Variants in STK10 observed in about 807,000 individuals in gnomAD.
The protein encoded by STK10 is serine/threonine kinase 10.
STK10 carries 78 observed loss-of-function variants against 113.8 expected under a neutral mutation model. The ratio of observed to expected loss-of-function variants is 0.69; its 90% CI spans 0.57 to 0.83. The LOEUF (loss-of-function observed/expected upper bound fraction) is 0.83. STK10 is among the 40% of genes least tolerant of loss of function. The pLI is 0.00. For missense variants in STK10, 1,109 were observed against 1,280.1 expected (o/e 0.87, Z 2.04); for synonymous variants, 465 against 494.7 (o/e 0.94, Z 0.80).
intron 12 of STK10, among the ~76,000 whole-genome samples, chr5:172,067,292 G>A (rs1191262209): frequency 6.6e-6 from 1 of 152,124 alleles, no homozygotes; most frequent in Non-Finnish European, 1.5e-5. Flanking sequence ...AGGAGGTTGA[G>A]GCTGCAGTGA....
intron 3 of STK10, among the ~76,000 whole-genome samples, chr5:172,118,560 C>T (rs1257108890): frequency 6.6e-6 from 1 of 152,124 alleles, no homozygotes; most frequent in African/African-American, 2.4e-5. Context: ...GCAGAGGCAA[C>T]AGCTGACATG....
At chr5:172,078,136 A>C (rs757802065) in intron 12 of STK10, among the ~76,000 whole-genome samples, 7 of 152,154 alleles carry the variant, frequency 4.6e-5, no homozygotes, top group Non-Finnish European at 8.8e-5. Context: ...CACAGAGGTG[A>C]CCTTTGGAAT....
intron 3 of STK10, among the ~76,000 whole-genome samples, chr5:172,122,265 T>G (rs537260277): frequency 6.6e-6 from 1 of 152,292 alleles, no homozygotes; most frequent in African/African-American, 2.4e-5. Flanking sequence ...GATAAACATA[T>G]TCAGTCATGG....
At chr5:172,159,543 C>G (rs998488748) in intron 1 of STK10, among the ~76,000 whole-genome samples, 2 of 152,142 alleles carry the variant, frequency 1.3e-5, no homozygotes, top group Admixed American at 1.3e-4. Context: ...AGAAAACAGC[C>G]GGGCACAGTG....
At chr5:172,078,947 C>CA (rs1768371746) in intron 12 of STK10, among the ~76,000 whole-genome samples, 5 of 144,632 alleles carry the variant, frequency 3.5e-5, no homozygotes, top group African/African-American at 1.3e-4. Flanking sequence ...TCTTATAAGT[C>CA]CACACACACA....
At chr5:172,057,569 AGAT>A in intron 14 of STK10, 96 bp from the exon 15 acceptor site, 2 of 1,484,274 alleles carry the variant, frequency 1.3e-6, no homozygotes, top group Non-Finnish European at 1.8e-6. Flanking sequence ...CTCATGCTGG[AGAT>A]GATAACCAAC....
intron 2 of STK10, among the ~76,000 whole-genome samples, chr5:172,140,788 G>C (rs1769956769): frequency 6.6e-6 from 1 of 152,122 alleles, no homozygotes; most frequent in Non-Finnish European, 1.5e-5. Flanking sequence ...AGCATTAAAA[G>C]CAGGATCCTG....
In STK10 at chr5:172,184,169, A is replaced by G. The variant is rs147226556; in HGVS notation, c.156+3718T>C. On this transcript the variant is annotated intron_variant, in intron 1 of 18. Transcript: ENST00000176763. ...AAATGGAATCTCTGGTTCCAGCCAT[A>G]ACACCAAGATGGAATTTTTGGTTTG... Among the ~76,000 whole-genome samples, 538 of 152,274 alleles carry G rather than the reference A, an allele frequency of 3.5e-3. 3 individuals are homozygous for G. The highest frequency in any genetic ancestry group is 0.013 in the African/African-American group (525 of 41,548).
chr5:172,187,806 G>T lies in STK10; in HGVS notation c.156+81C>A. 6.4e-7 allele frequency: 1 copy of T among 1,555,442 alleles called. No homozygotes were observed. Among genetic ancestry groups the T allele is most frequent in the Non-Finnish European group, 8.7e-7 (1 of 1,150,202 alleles). ...CGGGCAGCCCTCGGAGCCGGAGCCA[G>T]GCTGGCCGGGTCCGGCTCAGGCATC... On this transcript the variant is annotated intron_variant, in intron 1 of 18. Transcript: ENST00000176763. This position sits in a 1 kb window ranked among gnomAD's most constrained non-coding sequence, Gnocchi z 4.6.
At chr5:172,077,098 A>T (rs570974623) in intron 12 of STK10, among the ~76,000 whole-genome samples, 19 of 152,338 alleles carry the variant, frequency 1.2e-4, no homozygotes, top group South Asian at 8.3e-4. Flanking sequence ...TCCCGCTGAG[A>T]TCTACTGACA....
chr5:172,147,638 C>T (rs779636971), intron 2 of STK10, among the ~76,000 whole-genome samples: 15 of 152,116 alleles, frequency 9.9e-5, no homozygotes, highest in Non-Finnish European at 1.9e-4. Flanking sequence ...GTGATCTGCC[C>T]GCCTTGGCCT....
intron 1 of STK10, among the ~76,000 whole-genome samples, chr5:172,160,925 C>T (rs1770457571): frequency 6.6e-6 from 1 of 152,186 alleles, no homozygotes; most frequent in Non-Finnish European, 1.5e-5. Flanking sequence ...CTACAATCTC[C>T]ACCACTTAGA....
chr5:172,184,816 C>CTAATTTTT (rs1220694695), intron 1 of STK10, among the ~76,000 whole-genome samples: 8 of 152,028 alleles, frequency 5.3e-5, no homozygotes, highest in African/African-American at 1.7e-4. Context: ...CCACACCCGG[C>CTAATTTTT]TAATTTTTTT....
chr5:172,121,807 T>C, intron 3 of STK10, among the ~76,000 whole-genome samples: 1 of 152,008 alleles, frequency 6.6e-6, no homozygotes, highest in East Asian at 1.9e-4. Flanking sequence ...CTGCAAGCAA[T>C]CTCCTACCTT....
Position 172,082,467 on chromosome 5 carries a change from C to G in STK10, c.1848G>C (p.Leu616=), listed in dbSNP as rs1300200944. The G allele has an allele frequency of 6.2e-7, 1 of 1,606,810 alleles. No individual in the cohort carries two copies. The highest frequency in any genetic ancestry group is 8.5e-7 in the Non-Finnish European group (1 of 1,177,496). ...CCACTTGCTGCTTTTGCTGACGCTCCAGGTTCTCTAATTCCGTGTCAAAGA... is the reference window on the plus strand; with the variant it reads ...CCACTTGCTGCTTTTGCTGACGCTCGAGGTTCTCTAATTCCGTGTCAAAGA... ...KKFFDTELEN[L]ERQQKQQVEK... The change falls in exon 12 of 19, where the codon CTG becomes CTC. Residue 616 remains leucine, a synonymous_variant. Coordinates refer to ENST00000176763, the MANE Select transcript of STK10 (RefSeq NM_005990.4). The surrounding 1 kb of genome is among the most constrained non-coding windows in gnomAD (Gnocchi z 4.3).
At chr5:172,131,091 T>C (rs1053115611) in intron 2 of STK10, among the ~76,000 whole-genome samples, 3 of 145,874 alleles carry the variant, frequency 2.1e-5, no homozygotes, top group Non-Finnish European at 3.0e-5. Flanking sequence ...TGGAGTGCAG[T>C]GGCGCGATCT....
In STK10 at chr5:172,188,048, G is replaced by C; in HGVS notation, c.-6C>G. ...CGGAAATTGGCAAAAGCCATGGCCG[G>C]GGGCGCGGTGGCGCCGGCTCGGGCT... On this transcript the variant is annotated 5_prime_UTR_variant, in exon 1 of 19. Transcript: ENST00000176763. The surrounding 1 kb of genome is among the most constrained non-coding windows in gnomAD (Gnocchi z 5.6). The C allele has an allele frequency of 6.2e-7, 1 of 1,610,612 alleles. No individual in the cohort carries two copies.
At chr5:172,186,738 C>A (rs1431053067) in intron 1 of STK10, among the ~76,000 whole-genome samples, 1 of 152,322 alleles carries the variant, frequency 6.6e-6, no homozygotes. Context: ...GACTCTAATT[C>A]AGCAGGTCGG....
intron 14 of STK10, among the ~76,000 whole-genome samples, chr5:172,060,664 A>C (rs997686148): frequency 6.6e-6 from 1 of 152,248 alleles, no homozygotes; most frequent in Non-Finnish European, 1.5e-5. Context: ...TTGTTACAGC[A>C]GCCTGAATGA....
Sources: allele counts gnomAD v4.1 joint callset (sites outside exome capture counted in the v4.1 genomes callset), GRCh38; gene constraint gnomAD v4.1.1; non-coding constraint Gnocchi (gnomAD v3.1); transcripts MANE v1.5; gene names NCBI Gene and HGNC (gene_info 2026-07-23, HGNC 2026-07-21).